HS3ST3B1: variants seen among roughly 807,000 people sequenced by gnomAD.
The protein encoded by HS3ST3B1 is heparan sulfate-glucosamine 3-sulfotransferase 3B1, also known as heparan sulfate glucosamine 3-O-sulfotransferase 3B1.
In HS3ST3B1, 13 loss-of-function variants were observed where a neutral mutation model predicts 21.3. That is an observed-to-expected ratio of 0.61 (90% CI 0.40 to 0.97). The LOEUF is 0.97. HS3ST3B1 is among the 50% of genes least tolerant of loss of function. The pLI, the probability that HS3ST3B1 is intolerant of heterozygous loss-of-function variation, is 0.00. For missense variants in HS3ST3B1, 459 were observed against 554.8 expected (o/e 0.83, Z 1.73); for synonymous variants, 234 against 254.8 (o/e 0.92, Z 0.78).
chr17:14,306,453 G>C (rs1379369635), intron 1 of HS3ST3B1, among the ~76,000 whole-genome samples: 1 of 152,196 alleles, frequency 6.6e-6, no homozygotes, highest in East Asian at 1.9e-4. Context: ...TTCATAAAAA[G>C]AGTGCCCCCA....
chr17:14,317,448 G>A (rs1265565641), intron 1 of HS3ST3B1, among the ~76,000 whole-genome samples: 5 of 152,206 alleles, frequency 3.3e-5, no homozygotes, highest in South Asian at 4.1e-4. Flanking sequence ...CATTTTGGTC[G>A]AGGGGCCATG....
rs375799413 is a variant in HS3ST3B1, at chr17:14,307,687, G to A, written c.554+5615G>A. ...AAATACGTGACTCAGGCTGCTTGCC[G>A]ACTGGTTTCTATGTCAGTAGTTTTT... On this transcript the variant is annotated intron_variant, in intron 1 of 1. Transcript: ENST00000360954. Among the ~76,000 whole-genome samples, 8 of 152,244 alleles carry A rather than the reference G, an allele frequency of 5.3e-5. No homozygotes were observed. In the South Asian group the frequency reaches 1.0e-3, roughly 20 times the overall value.
chr17:14,338,333 C>G (rs527299980), intron 1 of HS3ST3B1, among the ~76,000 whole-genome samples: 1 of 151,764 alleles, frequency 6.6e-6, no homozygotes, highest in East Asian at 1.9e-4. Context: ...ATCATGTTAG[C>G]CAGGACGGTC....
rs1485975479 is a variant in HS3ST3B1, at chr17:14,301,189, G to A, written c.-330G>A. On this transcript the variant is annotated 5_prime_UTR_variant, in exon 1 of 2. In the 5' UTR this introduces an upstream ATG that the reference lacks. Transcript: ENST00000360954. ...CGTGCGGCGGTGCGCACAGTCTAGA[G>A]TGGCCAGGGCGCGAGAGTGCAACGT... 1 of 379,458 alleles carries A rather than the reference G, an allele frequency of 2.6e-6. No homozygotes were observed. The highest frequency in any genetic ancestry group is 4.7e-6 in the Non-Finnish European group (1 of 211,970). The allele number at this position is 379,458 out of a possible 1,614,324, so 23.5% of individuals were successfully genotyped here.
intron 1 of HS3ST3B1, among the ~76,000 whole-genome samples, chr17:14,311,891 C>T (rs1909317598): frequency 6.6e-6 from 1 of 152,074 alleles, no homozygotes; most frequent in Non-Finnish European, 1.5e-5. Flanking sequence ...GATCTGTAGG[C>T]AATTTAAGCC....
intron 1 of HS3ST3B1, among the ~76,000 whole-genome samples, chr17:14,343,015 G>A (rs939304503): frequency 2.0e-5 from 3 of 152,140 alleles, no homozygotes; most frequent in Non-Finnish European, 4.4e-5. Context: ...AGGCCAAGGC[G>A]GGTGGATCAC....
At chr17:14,304,399 T>C (rs1176390334) in intron 1 of HS3ST3B1, 1 of 152,242 alleles carries the variant, frequency 6.6e-6, no homozygotes, top group African/African-American at 2.4e-5. Flanking sequence ...AGTTGGTGGA[T>C]ATTTTCCAAG....
At chr17:14,313,761 G>A (rs932429919) in intron 1 of HS3ST3B1, among the ~76,000 whole-genome samples, 4 of 151,836 alleles carry the variant, frequency 2.6e-5, no homozygotes, top group African/African-American at 9.7e-5. Flanking sequence ...GTAGAGGCGG[G>A]GTTCCACCAT....
chr17:14,318,519 C>G (rs1367971434), intron 1 of HS3ST3B1, among the ~76,000 whole-genome samples: 1 of 152,184 alleles, frequency 6.6e-6, no homozygotes, highest in East Asian at 1.9e-4. Flanking sequence ...TGTGGAGGAA[C>G]TCAGCTAAGT....
Position 14,348,887 on chromosome 17 carries a change from T to C in HS3ST3B1, c.*3241T>C, listed in dbSNP as rs183400160. 16 of 152,346 alleles carry C rather than the reference T, an allele frequency of 1.1e-4. No homozygotes were observed. In the East Asian group the frequency reaches 3.1e-3, roughly 29 times the overall value. The allele number at this position is 152,346 out of a possible 1,614,324, so 9.4% of individuals were successfully genotyped here. ...TATTTTAAGTATAGTGACTGTTTAATAAATACTTAATTGGATGATGGAGGA... is the reference window on the plus strand; with the variant it reads ...TATTTTAAGTATAGTGACTGTTTAACAAATACTTAATTGGATGATGGAGGA... On this transcript the variant is annotated 3_prime_UTR_variant, in exon 2 of 2. Coordinates refer to ENST00000360954, the MANE Select transcript of HS3ST3B1 (RefSeq NM_006041.3).
At chr17:14,308,719 G>T (rs1345529079) in intron 1 of HS3ST3B1, among the ~76,000 whole-genome samples, 1 of 152,202 alleles carries the variant, frequency 6.6e-6, no homozygotes, top group Non-Finnish European at 1.5e-5. Context: ...TTAACATCAA[G>T]TTGATTGTGT....
chr17:14,343,071 A>G (rs185006301), intron 1 of HS3ST3B1, among the ~76,000 whole-genome samples: 62 of 152,160 alleles, frequency 4.1e-4, no homozygotes, highest in Admixed American at 3.1e-3. Flanking sequence ...GTGAAACCCC[A>G]TCTCTACCAA....
At chr17:14,323,893 C>T (rs982148059) in intron 1 of HS3ST3B1, among the ~76,000 whole-genome samples, 1 of 152,138 alleles carries the variant, frequency 6.6e-6, no homozygotes, top group African/African-American at 2.4e-5. Flanking sequence ...AGCTTAGTGC[C>T]CTATGTTCCC....
In HS3ST3B1 at chr17:14,345,612, A is replaced by G. The variant is rs199500277; in HGVS notation, c.1139A>G (p.Tyr380Cys). 1 of 1,612,818 alleles carries G rather than the reference A, an allele frequency of 6.2e-7. No homozygotes were observed. The highest frequency in any genetic ancestry group is 8.5e-7 in the Non-Finnish European group (1 of 1,179,306). Residue 380 changes from tyrosine to cysteine, a missense_variant, in exon 2 of 2, where the codon TAC becomes TGC. Transcript: ENST00000360954. ...TACCGGCCTTTCAACCTCAAGTTCT[A>G]CCAGATGACCGGGCACGACTTTGGC... ...EFYRPFNLKFYQMTGHDFGWD is the reference protein window; with the variant it reads ...EFYRPFNLKFCQMTGHDFGWD
chr17:14,327,254 T>C (rs1452973596), intron 1 of HS3ST3B1: 1 of 152,306 alleles, frequency 6.6e-6, no homozygotes, highest in Non-Finnish European at 1.5e-5. Flanking sequence ...ACTTTAATAA[T>C]AATTAAGGCA....
chr17:14,302,087 CA>C lies in HS3ST3B1; in HGVS notation c.554+16del. 6.3e-7 allele frequency: 1 copy of C among 1,583,082 alleles called. No individual in the cohort carries two copies. The highest frequency in any genetic ancestry group is 8.5e-7 in the Non-Finnish European group (1 of 1,170,180). ...GCTTGGTACCGGTGAGTTTCCCTGC[CA>C]GGGGCAGGGTCTCCATCGTCGATTC... On this transcript the variant is annotated intron_variant, in intron 1 of 1. Coordinates refer to ENST00000360954, the MANE Select transcript of HS3ST3B1 (RefSeq NM_006041.3).
intron 1 of HS3ST3B1, among the ~76,000 whole-genome samples, chr17:14,321,391 C>T (rs1464168257): frequency 6.6e-6 from 1 of 152,192 alleles, no homozygotes; most frequent in Non-Finnish European, 1.5e-5. Context: ...GGCGCAGCTT[C>T]ATGTATCTCC....
Position 14,301,152 on chromosome 17 carries a change from A to T in HS3ST3B1, c.-367A>T. On this transcript the variant is annotated 5_prime_UTR_variant, in exon 1 of 2. Transcript: ENST00000360954. ...AGGCTCAGTTCTTAGGACTGCAAGG[A>T]GGCAGCCCCGGCGTGCGGCGGTGCG... 3.8e-6 allele frequency: 1 copy of T among 264,068 alleles called. No individual in the cohort carries two copies. Among genetic ancestry groups the T allele is most frequent in the Non-Finnish European group, 7.1e-6 (1 of 141,734 alleles). 16.4% of individuals were successfully genotyped at this position (264,068 alleles called of 1,614,324 possible). A position where few individuals can be genotyped will look rare whatever the true frequency, so the allele number is the denominator to read the frequency against.
At chr17:14,340,017 G>T (rs547711418) in intron 1 of HS3ST3B1, among the ~76,000 whole-genome samples, 1 of 152,254 alleles carries the variant, frequency 6.6e-6, no homozygotes, top group East Asian at 1.9e-4. Context: ...GTAGGGTGAG[G>T]GTGGCAGAAG....
Sources: allele counts gnomAD v4.1 joint callset (sites outside exome capture counted in the v4.1 genomes callset), GRCh38; gene constraint gnomAD v4.1.1; transcripts MANE v1.5; gene names NCBI Gene and HGNC (gene_info 2026-07-23, HGNC 2026-07-21).